Variants in ZBTB7C observed in about 807,000 individuals in gnomAD.
ZBTB7C encodes the protein zinc finger and BTB domain-containing protein 7C.
A neutral mutation model predicts 25.7 loss-of-function variants in ZBTB7C; 8 were observed. That is an observed-to-expected ratio of 0.31 (90% CI 0.18 to 0.56). ZBTB7C has a LOEUF of 0.56. Among genes scored for constraint, ZBTB7C ranks in the 20% least tolerant of loss-of-function variants. ZBTB7C has a pLI of 0.91. For synonymous variants in ZBTB7C, 394 were observed against 369.0 expected, an observed-to-expected ratio of 1.07 and a Z score of -0.78; for missense variants, 824 against 855.2, an observed-to-expected ratio of 0.96 and a Z score of 0.46.
At chr18:48,242,322 G>A (rs529727313) in intron 2 of ZBTB7C, among the ~76,000 whole-genome samples, 1 of 152,170 alleles carries the variant, frequency 6.6e-6, no homozygotes, top group Admixed American at 6.5e-5. Flanking sequence ...CAGAGAAAAA[G>A]GGAATCCTCC....
At chr18:48,227,364 G>A (rs1237180366) in intron 2 of ZBTB7C, among the ~76,000 whole-genome samples, 4 of 152,212 alleles carry the variant, frequency 2.6e-5, no homozygotes, top group Non-Finnish European at 1.5e-5. Context: ...CCATCCTTCT[G>A]GGCAGGTACA....
At chr18:48,086,440 C>T (rs563537941) in intron 3 of ZBTB7C, among the ~76,000 whole-genome samples, 24 of 152,284 alleles carry the variant, frequency 1.6e-4, no homozygotes, top group East Asian at 3.9e-4. Flanking sequence ...CCCTGTAAAG[C>T]GGCACCCCAT....
At chr18:48,279,958 A>G (rs1486622880) in intron 2 of ZBTB7C, among the ~76,000 whole-genome samples, 1 of 152,228 alleles carries the variant, frequency 6.6e-6, no homozygotes, top group East Asian at 1.9e-4. Context: ...GGGAGAGGAA[A>G]TAGGTAGGAT....
intron 3 of ZBTB7C, among the ~76,000 whole-genome samples, chr18:48,176,616 C>CGCGTGTGTGTGT (rs2041686211): frequency 1.3e-5 from 2 of 149,642 alleles, no homozygotes; most frequent in Non-Finnish European, 3.0e-5. Context: ...AGGAAATACA[C>CGCGTGTGTGTGT]GTGTGTGTGT....
At chr18:48,076,599 G>A (rs1260860669) in intron 3 of ZBTB7C, among the ~76,000 whole-genome samples, 1 of 152,200 alleles carries the variant, frequency 6.6e-6, no homozygotes, top group Non-Finnish European at 1.5e-5. Flanking sequence ...GTGAGTGGTT[G>A]CCCACACGAC....
chr18:48,132,026 T>C (rs1166098131), intron 3 of ZBTB7C, among the ~76,000 whole-genome samples: 2 of 152,144 alleles, frequency 1.3e-5, no homozygotes, highest in Non-Finnish European at 2.9e-5. Flanking sequence ...ACCCAGCAAT[T>C]CCACTCCTAG....
At chr18:48,165,871 G>A (rs2041227926) in intron 3 of ZBTB7C, among the ~76,000 whole-genome samples, 1 of 152,136 alleles carries the variant, frequency 6.6e-6, no homozygotes, top group South Asian at 2.1e-4. Context: ...TAAAGGGTGG[G>A]GAGAGGCCTG....
chr18:48,047,705 CAGAG>C (rs1327233452), intron 3 of ZBTB7C, among the ~76,000 whole-genome samples: 2 of 152,178 alleles, frequency 1.3e-5, no homozygotes, highest in East Asian at 1.9e-4. Context: ...TCTGTCCTCT[CAGAG>C]AGAGACTGTG....
intron 2 of ZBTB7C, among the ~76,000 whole-genome samples, chr18:48,194,782 G>A (rs2145176220): frequency 1.3e-5 from 2 of 151,948 alleles, no homozygotes; most frequent in South Asian, 4.2e-4. Flanking sequence ...CTGACTCTGG[G>A]CTTGAGTCTT....
At chr18:48,403,447 G>A (rs1297530067) in intron 1 of ZBTB7C, among the ~76,000 whole-genome samples, 2 of 152,228 alleles carry the variant, frequency 1.3e-5, no homozygotes, top group Non-Finnish European at 2.9e-5. Flanking sequence ...CTAGGCTGAA[G>A]AGATCAAGAA....
At chr18:48,386,322 G>A (rs1474211821) in intron 1 of ZBTB7C, among the ~76,000 whole-genome samples, 1 of 152,230 alleles carries the variant, frequency 6.6e-6, no homozygotes, top group African/African-American at 2.4e-5. Flanking sequence ...AGAGCAGAGG[G>A]CAAATGCTGA....
chr18:48,040,684 C>T lies in ZBTB7C; in HGVS notation c.424G>A (p.Asp142Asn), dbSNP rs1052627043. 1.3e-5 allele frequency: 21 copies of T among 1,613,802 alleles called. No homozygotes were observed. The highest frequency in any genetic ancestry group is 5.0e-5 in the Admixed American group (3 of 59,964). ...DGGEEDDKED[D>N]DDDEDDDDEE... ...TCATCATCATCTTCGTCGTCGTCATCGTCCTCCTTGTCATCCTCCTCCCCC... is the reference window on the plus strand; with the variant it reads ...TCATCATCATCTTCGTCGTCGTCATTGTCCTCCTTGTCATCCTCCTCCCCC... Residue 142 changes from aspartate to asparagine, a missense_variant, in exon 4 of 5, where the codon GAT (aspartate) becomes AAT (asparagine). Physicochemically the swap from Asp to Asn is conservative, Grantham distance 23 (BLOSUM62 1). Coordinates refer to ENST00000590800, the MANE Select transcript of ZBTB7C (RefSeq NM_001318841.2).
In ZBTB7C at chr18:48,209,497, G is replaced by A. The variant is rs541738820; in HGVS notation, c.-78-23502C>T. On this transcript the variant is annotated intron_variant, in intron 2 of 4. Coordinates refer to ENST00000590800, the MANE Select transcript of ZBTB7C (RefSeq NM_001318841.2). ...ACTGGCTGAGAATAGTGGTTTACCC[G>A]TAATCCCAGCACTTTGGGAGGCCGA... Among the ~76,000 whole-genome samples, 11 of 152,288 alleles carry A rather than the reference G, an allele frequency of 7.2e-5. No individual in the cohort carries two copies. In the South Asian group the frequency reaches 8.3e-4, roughly 11 times the overall value.
chr18:48,039,762 C>T lies in ZBTB7C; in HGVS notation c.1208+138G>A. 5.8e-6 allele frequency: 5 copies of T among 868,202 alleles called. No homozygotes were observed. In the South Asian group the frequency reaches 6.3e-5, roughly 11 times the overall value. The allele number at this position is 868,202 out of a possible 1,614,324, so 53.8% of individuals were successfully genotyped here. On this transcript the variant is annotated intron_variant, in intron 4 of 4. Transcript: ENST00000590800. ...AGTCACAGCACCAGGTGATGCCTAG[C>T]ACCCCTGCTAGCCACGAGCCTGCAT...
chr18:48,150,732 T>C (rs1351692013), intron 3 of ZBTB7C: 2 of 152,302 alleles, frequency 1.3e-5, no homozygotes, highest in Non-Finnish European at 2.9e-5. Flanking sequence ...TAAGTAGCTC[T>C]CTGTCTCGCA....
At chr18:48,319,699 G>A (rs1022719098) in intron 2 of ZBTB7C, among the ~76,000 whole-genome samples, 5 of 152,134 alleles carry the variant, frequency 3.3e-5, no homozygotes, top group African/African-American at 7.2e-5. Context: ...TGGGAGGCCC[G>A]GGAATGTTTG....
chr18:48,339,941 C>T (rs530884503), intron 1 of ZBTB7C, among the ~76,000 whole-genome samples: 1 of 152,356 alleles, frequency 6.6e-6, no homozygotes, highest in East Asian at 1.9e-4. Flanking sequence ...TGGCCCTCTA[C>T]AGCTCACACT....
Position 48,028,590 on chromosome 18 carries a change from A to C in ZBTB7C, c.*670T>G, listed in dbSNP as rs1598735755. On this transcript the variant is annotated 3_prime_UTR_variant, in exon 5 of 5. Coordinates refer to ENST00000590800, the MANE Select transcript of ZBTB7C (RefSeq NM_001318841.2). The stretch of plus-strand genomic sequence containing the variant: ...ATGTGTTTAGAGGTGGAGGGCGGAA[A>C]CCTCAGTTACCAGCCCCTTCCATAG... 1 of 152,120 alleles carries C rather than the reference A, an allele frequency of 6.6e-6. No homozygotes were observed. Among genetic ancestry groups the C allele is most frequent in the South Asian group, 2.1e-4 (1 of 4,818 alleles). 9.4% of individuals were successfully genotyped at this position (152,120 alleles called of 1,614,324 possible).
At position 48,029,474 on chromosome 18, in the gene ZBTB7C, C is replaced by T. The variant is rs746541387; in HGVS notation, c.1646G>A (p.Arg549Gln). The change falls in exon 5 of 5, where the codon CGG becomes CAG. Residue 549 changes from arginine to glutamine, a missense_variant. Arg to Gln is a conservative substitution (Grantham distance 43, BLOSUM62 1). Transcript: ENST00000590800. Reference protein sequence around the residue: ...KGALSLQELERQFEETQMKLF... With the variant: ...KGALSLQELEQQFEETQMKLF... ...CTTCATCTGTGTCTCCTCGAACTGC[C>T]GCTCCAGCTCTTGCAGGCTCAGGGC... The T allele has an allele frequency of 5.0e-6, 8 of 1,596,808 alleles. No individual in the cohort carries two copies. Among genetic ancestry groups the T allele is most frequent in the African/African-American group, 1.4e-5 (1 of 73,638 alleles).
Sources: gnomAD v4.1 joint callset for allele counts (sites outside exome capture counted in the v4.1 genomes callset) on GRCh38, gnomAD v4.1.1 for gene constraint, MANE v1.5 for transcripts, NCBI Gene and HGNC (gene_info 2026-07-23, HGNC 2026-07-21) for gene names.